Variants in SDK1 observed in about 807,000 individuals in gnomAD.
The protein encoded by SDK1 is protein sidekick-1.
A neutral mutation model predicts 245.5 loss-of-function variants in SDK1; 157 were observed. The ratio of observed to expected loss-of-function variants is 0.64; its 90% confidence interval spans 0.56 to 0.73. The LOEUF (loss-of-function observed/expected upper bound fraction) is 0.73. SDK1 is among the 30% of genes least tolerant of loss of function. The pLI is 0.00. For missense variants in SDK1, 3,583 were observed against 3,002.3 expected (o/e 1.19, Z -4.52); for synonymous variants, 1,647 against 1,278.5 (o/e 1.29, Z -6.15).
intron 40 of SDK1, among the ~76,000 whole-genome samples, chr7:4,230,459 G>T (rs569417085): frequency 1.0e-4 from 15 of 143,322 alleles, no homozygotes; most frequent in Non-Finnish European, 1.5e-4. Context: ...GAGGGAAGGG[G>T]AGTGGAGGGC....
At chr7:4,036,997 G>A (rs1456323240) in intron 17 of SDK1, among the ~76,000 whole-genome samples, 1 of 152,094 alleles carries the variant, frequency 6.6e-6, no homozygotes, top group East Asian at 1.9e-4. Flanking sequence ...GGCCGTTTTT[G>A]ATACCAATAT....
chr7:3,741,391 G>C (rs1336097901), intron 4 of SDK1, among the ~76,000 whole-genome samples: 1 of 152,176 alleles, frequency 6.6e-6, no homozygotes, highest in Non-Finnish European at 1.5e-5. Context: ...TCCTGCAGTG[G>C]TCTCCTTGTG....
intron 1 of SDK1, among the ~76,000 whole-genome samples, chr7:3,381,384 G>A (rs1431067846): frequency 6.6e-6 from 1 of 152,058 alleles, no homozygotes; most frequent in African/African-American, 2.4e-5. Flanking sequence ...CTTAGAGAAA[G>A]AGCACCCGCA....
chr7:3,940,234 G>A (rs1780306895), intron 5 of SDK1, among the ~76,000 whole-genome samples: 1 of 152,224 alleles, frequency 6.6e-6, no homozygotes, highest in African/African-American at 2.4e-5. Context: ...CTGACCTACA[G>A]AACTGAACAG....
intron 22 of SDK1, among the ~76,000 whole-genome samples, chr7:4,096,829 A>G (rs192645363): frequency 1.3e-4 from 20 of 152,022 alleles, no homozygotes; most frequent in African/African-American, 4.1e-4. Flanking sequence ...GGCCGGGGAC[A>G]CTGAAACCCC....
intron 27 of SDK1, 35 bp from the exon 28 acceptor site, chr7:4,132,290 C>G (rs76692704): frequency 0.054 from 83,511 of 1,542,678 alleles, 2,670 homozygotes; most frequent in Middle Eastern, 0.087. Flanking sequence ...GGAACACTGT[C>G]TTGAGATCTG....
chr7:3,726,564 G>A (rs1779014077), intron 4 of SDK1, among the ~76,000 whole-genome samples: 2 of 152,268 alleles, frequency 1.3e-5, no homozygotes, highest in Admixed American at 1.3e-4. Flanking sequence ...CCATTGCAAG[G>A]CAATTGTTAC....
chr7:3,403,863 A>T (rs1296747686), intron 1 of SDK1, among the ~76,000 whole-genome samples: 5 of 100,010 alleles, frequency 5.0e-5, no homozygotes, highest in African/African-American at 1.4e-4. Context: ...ATATATATAT[A>T]TATATAATAT....
chr7:3,788,499 A>G (rs1014558848), intron 4 of SDK1, among the ~76,000 whole-genome samples: 61 of 152,308 alleles, frequency 4.0e-4, no homozygotes, highest in African/African-American at 1.3e-3. Flanking sequence ...AGGCAAAGAA[A>G]TCACATGTCC....
intron 1 of SDK1, among the ~76,000 whole-genome samples, chr7:3,608,276 C>A (rs1383870047): frequency 3.3e-5 from 5 of 152,164 alleles, no homozygotes; most frequent in Non-Finnish European, 7.3e-5. Context: ...CTGCTGTACG[C>A]CAAAATGTGC....
At position 4,025,413 on chromosome 7, in the gene SDK1, G is replaced by A. The variant is rs369724722; in HGVS notation, c.2602+8061G>A. On this transcript the variant is annotated intron_variant, in intron 17 of 44. Coordinates refer to ENST00000404826, the MANE Select transcript of SDK1 (RefSeq NM_152744.4). ...AGGCACATAGCGGAGGACTGGGGTG[G>A]AGCAGGGCAGGTAGGGTTTAGCATC... Among the ~76,000 whole-genome samples, 4 of 152,220 alleles carry A rather than the reference G, an allele frequency of 2.6e-5. No individual in the cohort carries two copies. In the East Asian group the frequency reaches 7.7e-4, roughly 29 times the overall value.
rs559170737 is a variant in SDK1, at chr7:3,563,343, CAA to C, written c.299-55736_299-55735del. Among the ~76,000 whole-genome samples, 628 of 151,894 alleles carry C rather than the reference CAA, an allele frequency of 4.1e-3. 1 individual carries two copies. The highest frequency in any genetic ancestry group is 4.7e-3 in the Non-Finnish European group (320 of 67,942). ...TGTATTCTCAGATGGGGCGGAAAAA[CAA>C]GATACAAAAAATAGGTTATAAGAGA... On this transcript the variant is annotated intron_variant, in intron 1 of 44. Transcript: ENST00000404826.
At chr7:3,610,133 C>T (rs972829941) in intron 1 of SDK1, among the ~76,000 whole-genome samples, 3 of 152,172 alleles carry the variant, frequency 2.0e-5, no homozygotes, top group African/African-American at 7.2e-5. Flanking sequence ...CTTAGATGTC[C>T]TTTCAAGTTA....
intron 22 of SDK1, among the ~76,000 whole-genome samples, chr7:4,103,280 G>A (rs548460172): frequency 6.6e-6 from 1 of 152,018 alleles, no homozygotes; most frequent in Non-Finnish European, 1.5e-5. Context: ...GATTACAGGC[G>A]TGAGCCACCG....
chr7:3,857,168 C>T (rs1780567998), intron 5 of SDK1, among the ~76,000 whole-genome samples: 1 of 151,974 alleles, frequency 6.6e-6, no homozygotes, highest in Non-Finnish European at 1.5e-5. Flanking sequence ...CTACTGGAAA[C>T]AACATACTGA....
intron 35 of SDK1, among the ~76,000 whole-genome samples, chr7:4,183,443 G>A (rs1782704849): frequency 6.6e-6 from 1 of 151,920 alleles, no homozygotes; most frequent in South Asian, 2.1e-4. Flanking sequence ...AGACCAGCCT[G>A]GCCAACATGG....
intron 1 of SDK1, among the ~76,000 whole-genome samples, chr7:3,524,504 C>T (rs1052826655): frequency 6.6e-6 from 1 of 152,040 alleles, no homozygotes; most frequent in Non-Finnish European, 1.5e-5. Context: ...GCCAAACAGG[C>T]CTTACTGACA....
intron 17 of SDK1, among the ~76,000 whole-genome samples, chr7:4,022,685 A>G (rs750251733): frequency 2.6e-5 from 4 of 152,070 alleles, no homozygotes; most frequent in Non-Finnish European, 4.4e-5. Context: ...CAACTCCTTA[A>G]GGAAGATCAG....
At chr7:4,109,699 G>A (rs1411281569) in intron 22 of SDK1, among the ~76,000 whole-genome samples, 6 of 152,194 alleles carry the variant, frequency 3.9e-5, no homozygotes, top group South Asian at 4.1e-4. Flanking sequence ...TGTCTCTCCC[G>A]TGGCTCCCTA....
Sources: allele counts gnomAD v4.1 joint callset (sites outside exome capture counted in the v4.1 genomes callset), GRCh38; gene constraint gnomAD v4.1.1; transcripts MANE v1.5; gene names NCBI Gene and HGNC (gene_info 2026-07-23, HGNC 2026-07-21).